SH3BGRL2: variants seen among roughly 807,000 people sequenced by gnomAD.
The protein encoded by SH3BGRL2 is SH3 domain binding glutamate rich protein like 2.
In SH3BGRL2, 21 loss-of-function variants were observed where a neutral mutation model predicts 14.8. The ratio of observed to expected loss-of-function variants is 1.42; its 90% CI spans 1.01 to 2.05. The LOEUF (loss-of-function observed/expected upper bound fraction) is 2.05. Ranked by LOEUF, SH3BGRL2 falls within the 30% of genes most tolerant of loss-of-function variation. The probability of loss-of-function intolerance (pLI) is 0.00; values close to 1 mark genes in which losing one functional copy is unlikely to be tolerated. For synonymous variants in SH3BGRL2, 50 were observed against 47.8 expected (o/e 1.05, Z -0.19); for missense variants, 147 against 130.8 (o/e 1.12, Z -0.61).
chr6:79,655,561 A>T (rs1769391506), intron 1 of SH3BGRL2, among the ~76,000 whole-genome samples: 1 of 152,096 alleles, frequency 6.6e-6, no homozygotes, highest in African/African-American at 2.4e-5. Flanking sequence ...GAGAAATCTC[A>T]CACCCCTTTA....
intron 1 of SH3BGRL2, among the ~76,000 whole-genome samples, chr6:79,653,648 T>C (rs992020051): frequency 1.3e-5 from 2 of 152,186 alleles, no homozygotes; most frequent in Non-Finnish European, 2.9e-5. Flanking sequence ...CATAGTGAAG[T>C]TAGTGGGTCT....
the SH3BGRL2 span, among the ~76,000 whole-genome samples, chr6:79,568,466 A>T: frequency 6.6e-6 from 1 of 152,218 alleles, no homozygotes; most frequent in Admixed American, 6.5e-5. Context: ...GATGAAAATG[A>T]AAGTGACAGA....
the SH3BGRL2 span, among the ~76,000 whole-genome samples, chr6:79,618,913 T>TTAAAAAAAAAAAAAAAAAAAAA: frequency 1.4e-4 from 1 of 7,070 alleles, no homozygotes. Context: ...TGAGACTCTG[T>TTAAAAAAAAAAAAAAAAAAAAA]CAAAAAAAAA....
At chr6:79,633,514 C>G (rs954289568) in intron 1 of SH3BGRL2, among the ~76,000 whole-genome samples, 3 of 152,138 alleles carry the variant, frequency 2.0e-5, no homozygotes, top group Non-Finnish European at 4.4e-5. Flanking sequence ...TGTGAAGGCT[C>G]AGATCCCCTC....
upstream of SH3BGRL2, chr6:79,631,315 G>T (rs1035390259): frequency 8.9e-5 from 58 of 649,386 alleles, no homozygotes; most frequent in East Asian, 1.6e-3. Flanking sequence ...CTGCGGACCC[G>T]CCGGGAGGGA....
chr6:79,576,204 C>T, the SH3BGRL2 span, among the ~76,000 whole-genome samples: 1 of 152,154 alleles, frequency 6.6e-6, no homozygotes, highest in South Asian at 2.1e-4. Flanking sequence ...TAAATAATAT[C>T]ATTTTATGAC....
At chr6:79,618,914 C>CAATAAAAAAAAAAAAAAAA in the SH3BGRL2 span, among the ~76,000 whole-genome samples, 1 of 76,276 alleles carries the variant, frequency 1.3e-5, no homozygotes, top group Non-Finnish European at 2.5e-5. Context: ...GAGACTCTGT[C>CAATAAAAAAAAAAAAAAAA]AAAAAAAAAA....
chr6:79,607,940 C>T, the SH3BGRL2 span, among the ~76,000 whole-genome samples: 4 of 151,856 alleles, frequency 2.6e-5, no homozygotes, highest in African/African-American at 7.3e-5. Flanking sequence ...AGCGAGACTC[C>T]ATCTCAAAAA....
the SH3BGRL2 span, among the ~76,000 whole-genome samples, chr6:79,576,990 A>G: frequency 6.6e-6 from 1 of 152,158 alleles, no homozygotes; most frequent in Non-Finnish European, 1.5e-5. Context: ...TAGCTTTTAC[A>G]TTTATAAATT....
upstream of SH3BGRL2, among the ~76,000 whole-genome samples, chr6:79,627,925 G>A (rs1768761895): frequency 6.6e-6 from 1 of 151,846 alleles, no homozygotes; most frequent in Non-Finnish European, 1.5e-5. Context: ...GGACTTGAAT[G>A]AGAAAAAAAA....
At chr6:79,605,626 A>G in the SH3BGRL2 span, among the ~76,000 whole-genome samples, 2 of 152,242 alleles carry the variant, frequency 1.3e-5, no homozygotes, top group African/African-American at 4.8e-5. Flanking sequence ...TTAAGTGCCA[A>G]TATGAAATCT....
Position 79,682,560 on chromosome 6 carries a change from T to C in SH3BGRL2, c.231+8761T>C, listed in dbSNP as rs1015858812. 2.0e-5 allele frequency among the ~76,000 whole-genome samples: 3 copies of C among 151,542 alleles called. No homozygotes were observed. In the South Asian group the frequency reaches 6.3e-4, roughly 32 times the overall value. Reference sequence around the variant, plus strand: ...ATGCTAACATATCTCCTTGTCTCCTTTCATGACAAGATGATTATTATATGT... The same window carrying C: ...ATGCTAACATATCTCCTTGTCTCCTCTCATGACAAGATGATTATTATATGT... On this transcript the variant is annotated intron_variant, in intron 2 of 3. Transcript: ENST00000369838.
At chr6:79,631,154 G>T, upstream of SH3BGRL2, 2 of 320,708 alleles carry the variant, frequency 6.2e-6, no homozygotes, top group Admixed American at 5.0e-5. Flanking sequence ...GCGCGTGTTC[G>T]GGATAGAAGC....
the SH3BGRL2 span, among the ~76,000 whole-genome samples, chr6:79,623,389 A>G: frequency 1.3e-5 from 2 of 152,098 alleles, no homozygotes; most frequent in Non-Finnish European, 2.9e-5. Context: ...TTGTTTCGTC[A>G]TAAACTTCAT....
chr6:79,581,525 C>A, the SH3BGRL2 span, among the ~76,000 whole-genome samples: 1 of 152,164 alleles, frequency 6.6e-6, no homozygotes, highest in Non-Finnish European at 1.5e-5. Flanking sequence ...ATAAACAGAA[C>A]CAATGACAGA....
the SH3BGRL2 span, among the ~76,000 whole-genome samples, chr6:79,576,178 C>T: frequency 6.6e-6 from 1 of 152,182 alleles, no homozygotes; most frequent in Admixed American, 6.5e-5. Context: ...ATTAAAACTT[C>T]CTGAATTCAA....
At chr6:79,626,752 C>T (rs1328835298), upstream of SH3BGRL2, among the ~76,000 whole-genome samples, 2 of 152,158 alleles carry the variant, frequency 1.3e-5, no homozygotes, top group Admixed American at 6.5e-5. Context: ...ACTTCAGCTA[C>T]AGTCCTCATG....
the SH3BGRL2 span, among the ~76,000 whole-genome samples, chr6:79,559,368 G>A: frequency 1.3e-5 from 2 of 152,024 alleles, no homozygotes; most frequent in Non-Finnish European, 2.9e-5. Context: ...TTTGTGTCTC[G>A]CAATATGACT....
the SH3BGRL2 span, among the ~76,000 whole-genome samples, chr6:79,615,329 T>A: frequency 6.6e-6 from 1 of 152,222 alleles, no homozygotes; most frequent in African/African-American, 2.4e-5. Context: ...ACTTCCAGGC[T>A]GATATTGTTC....
Sources: allele counts gnomAD v4.1 joint callset (sites outside exome capture counted in the v4.1 genomes callset), GRCh38; gene constraint gnomAD v4.1.1; transcripts MANE v1.5; gene names NCBI Gene and HGNC (gene_info 2026-07-23, HGNC 2026-07-21).